Variants in C2CD2 observed in about 807,000 individuals in gnomAD.
The protein encoded by C2CD2 is C2 calcium dependent domain containing 2.
C2CD2 carries 43 observed loss-of-function variants against 74.3 expected under a neutral mutation model. That is an observed-to-expected ratio of 0.58 (90% CI 0.45 to 0.75). The LOEUF (loss-of-function observed/expected upper bound fraction) is 0.75. Among genes scored for constraint, C2CD2 ranks in the 30% least tolerant of loss-of-function variants. The probability of loss-of-function intolerance (pLI) is 0.00; values close to 1 mark genes in which losing one functional copy is unlikely to be tolerated. For missense variants in C2CD2, 801 were observed against 916.3 expected, an observed-to-expected ratio of 0.87 and a Z score of 1.63; for synonymous variants, 422 against 390.7, an observed-to-expected ratio of 1.08 and a Z score of -0.94.
intron 10 of C2CD2, among the ~76,000 whole-genome samples, chr21:41,906,478 G>C (rs1012320662): frequency 6.6e-6 from 1 of 152,204 alleles, no homozygotes; most frequent in African/African-American, 2.4e-5. Flanking sequence ...CAATTCTCCT[G>C]CCTCGGCCTC....
At chr21:41,930,499 G>A (rs1265275872) in intron 2 of C2CD2, among the ~76,000 whole-genome samples, 1 of 149,804 alleles carries the variant, frequency 6.7e-6, no homozygotes, top group East Asian at 2.0e-4. Context: ...TCAGGAGATC[G>A]AGACCATCCT....
At chr21:41,912,142 A>G in intron 7 of C2CD2, 190 bp downstream of exon 7, 1 of 532,314 alleles carries the variant, frequency 1.9e-6, no homozygotes, top group Non-Finnish European at 3.3e-6. Flanking sequence ...AACTGACTCT[A>G]AGAGCTGCCT....
chr21:41,913,492 G>T (rs1290278169), intron 6 of C2CD2, among the ~76,000 whole-genome samples: 1 of 152,192 alleles, frequency 6.6e-6, no homozygotes, highest in African/African-American at 2.4e-5. Context: ...CTCAGGACAG[G>T]TACATGTGAG....
intron 2 of C2CD2, among the ~76,000 whole-genome samples, chr21:41,932,505 G>T (rs143506081): frequency 8.0e-5 from 12 of 150,762 alleles, no homozygotes; most frequent in African/African-American, 2.9e-4. Flanking sequence ...AGTGGGGGCC[G>T]TCTTGCGGGA....
Position 41,899,288 on chromosome 21 carries a change from C to T in C2CD2, c.1635G>A (p.Glu545=), listed in dbSNP as rs145901377. The T allele has an allele frequency of 3.9e-5, 63 of 1,611,576 alleles. No individual in the cohort carries two copies. In the African/African-American group the frequency reaches 7.1e-4, roughly 18 times the overall value. ...YTASVDSTHQ[E]DAPSHPERAA... ...CCCTCTCCGGATGGGATGGGGCGTC[C>T]TCCTGGTGGGTGCTGTCCACAGAGG... The change falls in exon 13 of 14, where the codon GAG becomes GAA. Residue 545 remains glutamate, a synonymous_variant. Transcript: ENST00000380486. This position sits in a 1 kb window ranked among gnomAD's most constrained non-coding sequence, Gnocchi z 4.4.
At chr21:41,942,940 A>C in intron 1 of C2CD2, 1 of 984,436 alleles carries the variant, frequency 1.0e-6, no homozygotes, top group Non-Finnish European at 1.2e-6. Flanking sequence ...GTGGCTCTGC[A>C]TGTTCCCCCA....
intron 2 of C2CD2, among the ~76,000 whole-genome samples, chr21:41,938,908 A>T (rs1158968345): frequency 2.0e-5 from 3 of 151,710 alleles, no homozygotes; most frequent in Non-Finnish European, 4.4e-5. Context: ...CACCTGGCCA[A>T]TTTTTTTGTA....
rs371357068 is a variant in C2CD2, at chr21:41,888,471, C to A, written c.*653G>T. 3 of 152,892 alleles carry A rather than the reference C, an allele frequency of 2.0e-5. No individual in the cohort carries two copies. The highest frequency in any genetic ancestry group is 3.8e-4 in the East Asian group (2 of 5,202). The allele number at this position is 152,892 out of a possible 1,614,324, so 9.5% of individuals were successfully genotyped here. ...AAAGTAAACTTAGAAAAGTGTTCTG[C>A]ATACTATGCATAGGATATAGTTAGT... is the stretch of plus-strand genomic sequence containing the variant. On this transcript the variant is annotated 3_prime_UTR_variant, in exon 14 of 14. Coordinates refer to ENST00000380486, the MANE Select transcript of C2CD2 (RefSeq NM_015500.2).
At chr21:41,918,449 G>A (rs1465911305) in intron 4 of C2CD2, among the ~76,000 whole-genome samples, 1 of 152,262 alleles carries the variant, frequency 6.6e-6, no homozygotes, top group African/African-American at 2.4e-5. Flanking sequence ...CCTCACCGTG[G>A]GAGAGAGGGC....
chr21:41,904,764 T>C (rs894365129), intron 11 of C2CD2, among the ~76,000 whole-genome samples: 17 of 152,204 alleles, frequency 1.1e-4, no homozygotes, highest in African/African-American at 3.9e-4. Flanking sequence ...CCTTGCCCAG[T>C]TGTTGACCTG....
At chr21:41,951,500 G>T (rs370530215) in intron 1 of C2CD2, among the ~76,000 whole-genome samples, 1 of 152,150 alleles carries the variant, frequency 6.6e-6, no homozygotes, top group Non-Finnish European at 1.5e-5. Flanking sequence ...CAGGCAGGAG[G>T]TCAGGAGAGA....
chr21:41,915,383 A>G (rs1457553565), intron 5 of C2CD2, among the ~76,000 whole-genome samples: 1 of 152,150 alleles, frequency 6.6e-6, no homozygotes, highest in Non-Finnish European at 1.5e-5. Flanking sequence ...GGAAGAGCCC[A>G]GCTTCAAACC....
chr21:41,911,446 C>A (rs964391259), intron 7 of C2CD2, among the ~76,000 whole-genome samples: 2 of 139,358 alleles, frequency 1.4e-5, no homozygotes, highest in African/African-American at 2.7e-5. Context: ...CTGGAGTGTG[C>A]AGTGGTACAA....
intron 11 of C2CD2, among the ~76,000 whole-genome samples, chr21:41,904,480 T>A (rs1422831770): frequency 6.6e-6 from 1 of 152,194 alleles, no homozygotes. Flanking sequence ...TGTTTTCAAT[T>A]TACTCTGTGG....
chr21:41,924,773 A>G lies in C2CD2; in HGVS notation c.379-2688T>C, dbSNP rs962303158. Among the ~76,000 whole-genome samples the G allele has an allele frequency of 2.6e-5, 4 of 152,214 alleles. No individual in the cohort carries two copies. The highest frequency in any genetic ancestry group is 5.9e-5 in the Non-Finnish European group (4 of 68,040). On this transcript the variant is annotated intron_variant, in intron 2 of 13. Coordinates refer to ENST00000380486, the MANE Select transcript of C2CD2 (RefSeq NM_015500.2). This position sits in a 1 kb window ranked among gnomAD's most constrained non-coding sequence, Gnocchi z 4.4. ...GCATAATTCCTCTGGAGCCTTCTCT[A>G]CTAAGCTAATCAGCATTGTACCAAG...
Position 41,910,994 on chromosome 21 carries a change from T to C in C2CD2, c.953+1338A>G, listed in dbSNP as rs189591499. Among the ~76,000 whole-genome samples the C allele has an allele frequency of 8.6e-5, 7 of 81,074 alleles. No individual in the cohort carries two copies. In the East Asian group the frequency reaches 2.1e-3, roughly 24 times the overall value. The allele number at this position is 81,074 out of a possible 152,430, so 53.2% of individuals were successfully genotyped here. On this transcript the variant is annotated intron_variant, in intron 7 of 13. Coordinates refer to ENST00000380486, the MANE Select transcript of C2CD2 (RefSeq NM_015500.2). The stretch of plus-strand genomic sequence containing the variant: ...CCCTTATCTAATTTGCATTAACCAA[T>C]ACTTCTAGAATAAAATAGGCATCCT...
chr21:41,906,483 G>A (rs574273818), intron 10 of C2CD2, among the ~76,000 whole-genome samples: 10 of 152,172 alleles, frequency 6.6e-5, no homozygotes, highest in African/African-American at 1.2e-4. Flanking sequence ...CTCCTGCCTC[G>A]GCCTCCAGAG....
intron 4 of C2CD2, 28 bp downstream of exon 4, chr21:41,918,828 G>C (rs753821871): frequency 1.3e-5 from 21 of 1,557,014 alleles, no homozygotes; most frequent in Non-Finnish European, 1.8e-5. Context: ...CACGCCAATG[G>C]AAGAATCATA....
intron 13 of C2CD2, among the ~76,000 whole-genome samples, chr21:41,889,637 C>CTT (rs34432849): frequency 1.1e-4 from 16 of 146,588 alleles, no homozygotes; most frequent in African/African-American, 2.3e-4. Flanking sequence ...AATTTTTTTT[C>CTT]TTTTTTTTTT....
Sources: gnomAD v4.1 joint callset for allele counts (sites outside exome capture counted in the v4.1 genomes callset) on GRCh38, gnomAD v4.1.1 for gene constraint, Gnocchi (gnomAD v3.1) non-coding constraint, MANE v1.5 for transcripts, NCBI Gene and HGNC (gene_info 2026-07-23, HGNC 2026-07-21) for gene names.